ZNF469: variants seen among roughly 807,000 people sequenced by gnomAD.
The protein encoded by ZNF469 is zinc finger protein 469.
ZNF469 carries 1 observed loss-of-function variant against 1.0 expected under a neutral mutation model. The observed-to-expected ratio is 1.00, with a 90% confidence interval of 0.35 to 4.73. The LOEUF (loss-of-function observed/expected upper bound fraction) is 4.73. Ranked by LOEUF, ZNF469 falls within the 30% of genes most tolerant of loss-of-function variation. The probability of loss-of-function intolerance (pLI) is 0.16; values close to 1 mark genes in which losing one functional copy is unlikely to be tolerated. For synonymous variants in ZNF469, 2,703 were observed against 2,363.4 expected (o/e 1.14, Z -4.17); for missense variants, 6,100 against 5,356.3 (o/e 1.14, Z -4.33).
In ZNF469 at chr16:88,433,404, G is replaced by A; in HGVS notation, c.5934G>A (p.Glu1978=). The part of the protein sequence containing the change: ...PAVAGHQLGL[E]ADGHWGLLGQ... ...TGGCCGGACATCAGCTGGGGCTGGA[G>A]GCAGATGGACATTGGGGCTTGCTTG... is the stretch of plus-strand genomic sequence containing the variant. Residue 1978 remains glutamate, a synonymous_variant, in exon 3 of 3, where the codon GAG becomes GAA. Coordinates refer to ENST00000565624, the MANE Select transcript of ZNF469 (RefSeq NM_001367624.2). The A allele has an allele frequency of 6.5e-7, 1 of 1,550,372 alleles. No homozygotes were observed.
chr16:88,380,331 T>TCACACATGCGCTCA (rs779995712), upstream of ZNF469, among the ~76,000 whole-genome samples: 1 of 48,468 alleles, frequency 2.1e-5, no homozygotes, highest in Non-Finnish European at 3.0e-5. Flanking sequence ...ACACATGCAC[T>TCACACATGCGCTCA]CACACATGCG....
the ZNF469 span, among the ~76,000 whole-genome samples, chr16:88,241,744 T>C: frequency 6.6e-6 from 1 of 152,158 alleles, no homozygotes; most frequent in Admixed American, 6.5e-5. This position sits in a 1 kb window ranked among gnomAD's most constrained non-coding sequence, Gnocchi z 4.8. Context: ...AAGGATGCCA[T>C]GTCTGAGGTG....
chr16:88,287,029 A>G, the ZNF469 span, among the ~76,000 whole-genome samples: 62 of 152,138 alleles, frequency 4.1e-4, no homozygotes, highest in Non-Finnish European at 7.5e-4. Flanking sequence ...TTTTATTTAC[A>G]GTTCTACCCT....
At chr16:88,269,711 A>C in the ZNF469 span, among the ~76,000 whole-genome samples, 1 of 151,960 alleles carries the variant, frequency 6.6e-6, no homozygotes, top group Non-Finnish European at 1.5e-5. Flanking sequence ...GGAACTGCTG[A>C]CCAATCCCCC....
chr16:88,348,728 C>T, the ZNF469 span, among the ~76,000 whole-genome samples: 6 of 152,158 alleles, frequency 3.9e-5, no homozygotes, highest in Admixed American at 3.9e-4. Flanking sequence ...GGGTTGGATC[C>T]GGGGAGCCTG....
the ZNF469 span, among the ~76,000 whole-genome samples, chr16:88,368,840 T>C: frequency 6.6e-6 from 1 of 152,144 alleles, no homozygotes; most frequent in Non-Finnish European, 1.5e-5. Flanking sequence ...CTCATGCCTG[T>C]AATCTCAGCA....
intron 1 of ZNF469, among the ~76,000 whole-genome samples, chr16:88,400,318 C>T (rs980227729): frequency 2.6e-5 from 4 of 151,954 alleles, no homozygotes; most frequent in Admixed American, 6.5e-5. Flanking sequence ...GCAAAATGTG[C>T]CCAGGCCTGG....
chr16:88,433,775 G>C lies in ZNF469; in HGVS notation c.6305G>C (p.Ser2102Thr). 6.5e-7 allele frequency: 1 copy of C among 1,549,580 alleles called. No individual in the cohort carries two copies. The highest frequency in any genetic ancestry group is 1.2e-5 in the South Asian group (1 of 84,058). ...AAGCCACTGCTGGCCACAGGGGATA[G>C]CCCAGCACCCTCTGTCGGGGACCTG... The part of the protein sequence containing the change: ...LNKPLLATGD[S>T]PAPSVGDLAA... Residue 2102 changes from serine to threonine, a missense_variant, in exon 3 of 3, where the codon AGC (serine) becomes ACC (threonine). Ser to Thr is a moderately conservative substitution (Grantham distance 58). Coordinates refer to ENST00000565624, the MANE Select transcript of ZNF469 (RefSeq NM_001367624.2).
the ZNF469 span, among the ~76,000 whole-genome samples, chr16:88,250,114 A>T: frequency 6.6e-6 from 1 of 152,356 alleles, no homozygotes; most frequent in Non-Finnish European, 1.5e-5. Flanking sequence ...TATATATCTA[A>T]TGCAAAGCGT....
At chr16:88,227,264 AG>A in the ZNF469 span, among the ~76,000 whole-genome samples, 1 of 152,154 alleles carries the variant, frequency 6.6e-6, no homozygotes, top group Non-Finnish European at 1.5e-5. Context: ...CTGTCTCCCC[AG>A]GGCCGGGAAC....
the ZNF469 span, among the ~76,000 whole-genome samples, chr16:88,344,218 T>G: frequency 7.4e-6 from 1 of 134,506 alleles, no homozygotes; most frequent in East Asian, 2.6e-4. Context: ...CTGGATGGGA[T>G]CCTGGGGCAG....
intron 1 of ZNF469, among the ~76,000 whole-genome samples, chr16:88,416,283 G>A (rs55801723): frequency 0.13 from 19,269 of 152,176 alleles, 1,351 homozygotes; most frequent in African/African-American, 0.17. Flanking sequence ...CAGAGGCCGT[G>A]ACCTTCTCAG....
chr16:88,291,945 A>G, the ZNF469 span, among the ~76,000 whole-genome samples: 3 of 152,252 alleles, frequency 2.0e-5, no homozygotes, highest in East Asian at 5.8e-4. Context: ...CTCAGCCTTG[A>G]TGGCTGCTGG....
upstream of ZNF469, among the ~76,000 whole-genome samples, chr16:88,380,600 C>T (rs1432150931): frequency 1.3e-5 from 2 of 150,310 alleles, no homozygotes; most frequent in Non-Finnish European, 3.0e-5. Context: ...CACACACATG[C>T]ACTCACACAC....
chr16:88,421,586 C>T (rs553658768), intron 1 of ZNF469, among the ~76,000 whole-genome samples: 1 of 152,310 alleles, frequency 6.6e-6, no homozygotes. Flanking sequence ...AGGCAAATGT[C>T]CCTGCTGTCC....
At chr16:88,254,615 G>A in the ZNF469 span, among the ~76,000 whole-genome samples, 10 of 152,236 alleles carry the variant, frequency 6.6e-5, no homozygotes, top group South Asian at 8.3e-4. Flanking sequence ...AAAATTAGCC[G>A]GGCGTGGTGG....
At chr16:88,264,083 C>A in the ZNF469 span, among the ~76,000 whole-genome samples, 960 of 152,178 alleles carry the variant, frequency 6.3e-3, 8 homozygotes, top group African/African-American at 0.022. Flanking sequence ...TACTCCCCAC[C>A]CCCCAGGACC....
the ZNF469 span, among the ~76,000 whole-genome samples, chr16:88,165,105 T>C: frequency 5.3e-5 from 8 of 152,232 alleles, no homozygotes; most frequent in Admixed American, 6.5e-5. Context: ...TGGCTTTCAG[T>C]TGTGCTCAAA....
chr16:88,316,104 C>A, the ZNF469 span, among the ~76,000 whole-genome samples: 4 of 152,234 alleles, frequency 2.6e-5, no homozygotes, highest in African/African-American at 9.6e-5. Flanking sequence ...CAGGGCCGGC[C>A]GCCCCTCACT....
Sources: allele counts gnomAD v4.1 joint callset (sites outside exome capture counted in the v4.1 genomes callset), GRCh38; gene constraint gnomAD v4.1.1; non-coding constraint Gnocchi (gnomAD v3.1); transcripts MANE v1.5; gene names NCBI Gene and HGNC (gene_info 2026-07-23, HGNC 2026-07-21).